The following EPS15 variants were observed in gnomAD, a reference collection of about 807,000 sequenced individuals.
The protein encoded by EPS15 is epidermal growth factor receptor substrate 15.
EPS15 carries 72 observed loss-of-function variants against 113.8 expected under a neutral mutation model. That is an observed-to-expected ratio of 0.63 (90% CI 0.52 to 0.77). EPS15 has a LOEUF of 0.77. Ranked by LOEUF, EPS15 falls within the 30% of genes least tolerant of loss-of-function variation. EPS15 has a pLI of 0.00. For missense variants in EPS15, 1,048 were observed against 1,045.8 expected (o/e 1.00, Z -0.03); for synonymous variants, 344 against 363.4 (o/e 0.95, Z 0.61).
chr1:51,372,940 C>A, intron 21 of EPS15: 1 of 623,552 alleles, frequency 1.6e-6, no homozygotes, highest in Non-Finnish European at 2.5e-6. Context: ...AGATCATTAG[C>A]TGCAGGAAGT....
intron 21 of EPS15, among the ~76,000 whole-genome samples, chr1:51,390,792 A>G (rs536192800): frequency 2.3e-4 from 35 of 152,154 alleles, no homozygotes; most frequent in Middle Eastern, 3.4e-3. Context: ...TTAGAATGGC[A>G]ATCATTAAAA....
chr1:51,383,249 A>G (rs1646981899), intron 21 of EPS15, among the ~76,000 whole-genome samples: 1 of 152,232 alleles, frequency 6.6e-6, no homozygotes, highest in Non-Finnish European at 1.5e-5. Context: ...TAAAGGCTAT[A>G]TATGAAAAGC....
chr1:51,360,808 AT>A (rs1646367092), intron 24 of EPS15, among the ~76,000 whole-genome samples: 1 of 152,176 alleles, frequency 6.6e-6, no homozygotes, highest in Non-Finnish European at 1.5e-5. Context: ...TACTGGCATT[AT>A]TCATCTAGTG....
intron 1 of EPS15, among the ~76,000 whole-genome samples, chr1:51,500,666 C>G (rs1644395875): frequency 6.6e-6 from 1 of 152,114 alleles, no homozygotes; most frequent in African/African-American, 2.4e-5. Flanking sequence ...AAGGTGTGCA[C>G]CATCACACCC....
At chr1:51,454,049 CAAAAA>C (rs376428827) in intron 8 of EPS15, among the ~76,000 whole-genome samples, 7,640 of 88,234 alleles carry the variant, frequency 0.087, 266 homozygotes, top group Middle Eastern at 0.13. Context: ...GACTTTGTTT[CAAAAA>C]AAAAAAAAAA....
At chr1:51,365,131 T>A (rs535978018) in intron 22 of EPS15, among the ~76,000 whole-genome samples, 7 of 152,308 alleles carry the variant, frequency 4.6e-5, no homozygotes, top group Admixed American at 4.6e-4. Flanking sequence ...CGCGCCTGGC[T>A]GGAATGATAA....
chr1:51,375,921 C>CA (rs1646786114), intron 21 of EPS15, among the ~76,000 whole-genome samples: 1 of 152,154 alleles, frequency 6.6e-6, no homozygotes, highest in African/African-American at 2.4e-5. Context: ...ATTTCACAAA[C>CA]AAAAGGATTT....
chr1:51,485,266 A>G (rs946562363), intron 1 of EPS15, among the ~76,000 whole-genome samples: 2 of 152,254 alleles, frequency 1.3e-5, no homozygotes, highest in Non-Finnish European at 2.9e-5. Context: ...CAACAGAGCA[A>G]TATGTGTATT....
intron 8 of EPS15, among the ~76,000 whole-genome samples, chr1:51,448,764 T>C (rs921900832): frequency 6.6e-6 from 1 of 152,208 alleles, no homozygotes; most frequent in African/African-American, 2.4e-5. Context: ...ATAAGGATTA[T>C]TTTGAACTGA....
intron 15 of EPS15, among the ~76,000 whole-genome samples, chr1:51,406,984 T>C (rs1010872986): frequency 6.6e-6 from 1 of 152,154 alleles, no homozygotes; most frequent in Non-Finnish European, 1.5e-5. Flanking sequence ...AGCTGCCAGA[T>C]AACAGGGGGT....
chr1:51,478,317 CA>C (rs1447673492), intron 2 of EPS15, among the ~76,000 whole-genome samples: 1 of 152,256 alleles, frequency 6.6e-6, no homozygotes, highest in Admixed American at 6.5e-5. Context: ...GGTAGATCTT[CA>C]TCCATCCCTT....
intron 20 of EPS15, among the ~76,000 whole-genome samples, chr1:51,396,842 G>A (rs975382907): frequency 5.3e-5 from 8 of 151,708 alleles, no homozygotes; most frequent in Non-Finnish European, 7.4e-5. Context: ...CTTGAGTCAA[G>A]TTCTACCAGT....
At chr1:51,508,210 A>G (rs1343895773) in intron 1 of EPS15, among the ~76,000 whole-genome samples, 6 of 127,132 alleles carry the variant, frequency 4.7e-5, no homozygotes, top group African/African-American at 1.9e-4. Flanking sequence ...AAAGAAAAGA[A>G]AAGAAAAGAA....
rs746552413 is a variant in EPS15 at position 51,481,282 on chromosome 1, G to A, written c.66C>T (p.Tyr22=). 7.3e-7 allele frequency: 1 copy of A among 1,373,028 alleles called. No homozygotes were observed. Among genetic ancestry groups the A allele is most frequent in the Non-Finnish European group, 1.0e-6 (1 of 963,910 alleles). 85.1% of individuals were successfully genotyped at this position (1,373,028 alleles called of 1,614,324 possible). ...LSSGNPVYEK[Y]YRQVDTGNTG... ...GAAACAAAAATCTTACCTGTCTATA[G>A]TATTTTTCATATACAGGATTCCCAC... Residue 22 remains tyrosine (Y), a synonymous_variant, in exon 2 of 25, where the codon TAC becomes TAT. Coordinates refer to ENST00000371733, the MANE Select transcript of EPS15 (RefSeq NM_001981.3).
intron 2 of EPS15, among the ~76,000 whole-genome samples, chr1:51,475,812 A>C (rs1655635046): frequency 6.6e-6 from 1 of 152,152 alleles, no homozygotes; most frequent in African/African-American, 2.4e-5. Flanking sequence ...TATGGGTTTT[A>C]GGTCTAACAT....
At chr1:51,393,580 AACAACTC>A (rs1647612833) in intron 21 of EPS15, among the ~76,000 whole-genome samples, 2 of 152,218 alleles carry the variant, frequency 1.3e-5, no homozygotes, top group Non-Finnish European at 2.9e-5. Context: ...CTGTATACTG[AACAACTC>A]ACTCTGTATT....
chr1:51,475,946 C>T (rs1208961120), intron 2 of EPS15, among the ~76,000 whole-genome samples: 1 of 152,122 alleles, frequency 6.6e-6, no homozygotes, highest in Non-Finnish European at 1.5e-5. Flanking sequence ...GAATCCTTTC[C>T]CCATTTCTTG....
chr1:51,488,981 C>T (rs982083166), intron 1 of EPS15, among the ~76,000 whole-genome samples: 3 of 151,852 alleles, frequency 2.0e-5, no homozygotes, highest in African/African-American at 7.3e-5. Flanking sequence ...TGGATTGCGA[C>T]GGAAAACATG....
At chr1:51,469,858 T>C (rs1411857168) in intron 4 of EPS15, among the ~76,000 whole-genome samples, 6 of 151,504 alleles carry the variant, frequency 4.0e-5, no homozygotes, top group African/African-American at 7.3e-5. Flanking sequence ...AGCTACCAAA[T>C]AGAATAGCCT....
Sources: allele counts gnomAD v4.1 joint callset (sites outside exome capture counted in the v4.1 genomes callset), GRCh38; gene constraint gnomAD v4.1.1; transcripts MANE v1.5; gene names NCBI Gene and HGNC (gene_info 2026-07-23, HGNC 2026-07-21).